SORCS3: variants seen among roughly 807,000 people sequenced by gnomAD.
SORCS3 encodes the protein VPS10 domain-containing receptor SorCS3.
A neutral mutation model predicts 146.3 loss-of-function variants in SORCS3; 57 were observed. The ratio of observed to expected loss-of-function variants is 0.39; its 90% CI spans 0.31 to 0.49. The LOEUF (loss-of-function observed/expected upper bound fraction) is 0.49, where lower values mean the gene tolerates loss of function less well. SORCS3 is among the 20% of genes least tolerant of loss of function. The pLI, the probability that SORCS3 is intolerant of heterozygous loss-of-function variation, is 0.92. For missense variants in SORCS3, 1,341 were observed against 1,575.5 expected (o/e 0.85, Z 2.52); for synonymous variants, 653 against 618.5 (o/e 1.06, Z -0.83).
intron 7 of SORCS3, among the ~76,000 whole-genome samples, chr10:105,113,534 A>G (rs892502990): frequency 1.3e-5 from 2 of 152,132 alleles, no homozygotes; most frequent in Non-Finnish European, 2.9e-5. Context: ...TTCTCTTGAC[A>G]TATTATTTTT....
intron 2 of SORCS3, among the ~76,000 whole-genome samples, chr10:104,907,446 A>G (rs1457828156): frequency 1.3e-5 from 2 of 152,238 alleles, no homozygotes; most frequent in African/African-American, 2.4e-5. Flanking sequence ...AGAAAGGAAA[A>G]GAAAGAAACT....
At chr10:104,964,496 CA>C (rs1488917562) in intron 3 of SORCS3, among the ~76,000 whole-genome samples, 1 of 152,184 alleles carries the variant, frequency 6.6e-6, no homozygotes, top group Non-Finnish European at 1.5e-5. Context: ...CTTCCTTCAA[CA>C]GAATGTAAGC....
At chr10:104,692,064 T>G (rs2016120077) in intron 1 of SORCS3, among the ~76,000 whole-genome samples, 1 of 152,162 alleles carries the variant, frequency 6.6e-6, no homozygotes, top group Non-Finnish European at 1.5e-5. Context: ...GATTTGGGGT[T>G]AGGTAACTGT....
intron 4 of SORCS3, among the ~76,000 whole-genome samples, chr10:104,994,390 A>G (rs1480946833): frequency 1.3e-5 from 2 of 152,216 alleles, no homozygotes; most frequent in African/African-American, 2.4e-5. Context: ...ATTATTTAAC[A>G]TAAAACTAGG....
At chr10:105,237,449 A>G (rs142442922) in intron 20 of SORCS3, among the ~76,000 whole-genome samples, 20 of 152,314 alleles carry the variant, frequency 1.3e-4, no homozygotes, top group African/African-American at 4.1e-4. Context: ...CATTAATAGC[A>G]TTTGTATTTA....
At chr10:104,659,992 G>A (rs1050905072) in intron 1 of SORCS3, among the ~76,000 whole-genome samples, 2 of 152,178 alleles carry the variant, frequency 1.3e-5, no homozygotes, top group Non-Finnish European at 2.9e-5. Context: ...GCACAGTGGG[G>A]GACACTCCTG....
chr10:105,263,396 A>G lies in SORCS3; in HGVS notation c.*22A>G, dbSNP rs759805371. 40 of 1,611,696 alleles carry G rather than the reference A, an allele frequency of 2.5e-5. No homozygotes were observed. Among genetic ancestry groups the G allele is most frequent in the African/African-American group, 4.0e-5 (3 of 74,846 alleles). The stretch of plus-strand genomic sequence containing the variant: ...TTAATACCAGCAAGCCACGTGGTCA[A>G]CCACCTTTCTGACTTTTTATTTTTG... On this transcript the variant is annotated 3_prime_UTR_variant, in exon 27 of 27. Coordinates refer to ENST00000369701, the MANE Select transcript of SORCS3 (RefSeq NM_014978.3).
At chr10:104,785,642 G>A (rs1293590330) in intron 1 of SORCS3, among the ~76,000 whole-genome samples, 3 of 152,128 alleles carry the variant, frequency 2.0e-5, no homozygotes, top group Non-Finnish European at 4.4e-5. Flanking sequence ...CTGGGATAGG[G>A]ATTCTTTAAG....
At chr10:104,926,573 G>A (rs2019149552) in intron 3 of SORCS3, among the ~76,000 whole-genome samples, 1 of 152,192 alleles carries the variant, frequency 6.6e-6, no homozygotes, top group Non-Finnish European at 1.5e-5. Context: ...TCCCATTAGG[G>A]CTAAGAAAGC....
At chr10:104,831,512 G>A (rs1398196598) in intron 1 of SORCS3, among the ~76,000 whole-genome samples, 3 of 152,168 alleles carry the variant, frequency 2.0e-5, no homozygotes, top group Non-Finnish European at 4.4e-5. Flanking sequence ...CTAAATGCCA[G>A]GGTGATCAGT....
chr10:104,973,941 A>C (rs886522291), intron 3 of SORCS3, among the ~76,000 whole-genome samples: 2 of 151,814 alleles, frequency 1.3e-5, no homozygotes, highest in African/African-American at 4.8e-5. Flanking sequence ...TTCTGCCTTC[A>C]TTTCATTACG....
chr10:105,193,478 A>T (rs1267742341), intron 14 of SORCS3, among the ~76,000 whole-genome samples: 1 of 152,180 alleles, frequency 6.6e-6, no homozygotes, highest in Admixed American at 6.6e-5. Context: ...GTAATAGATA[A>T]ATCCTTTGTG....
At chr10:105,246,265 A>G (rs1446380849) in intron 21 of SORCS3, among the ~76,000 whole-genome samples, 1 of 152,184 alleles carries the variant, frequency 6.6e-6, no homozygotes, top group Non-Finnish European at 1.5e-5. Flanking sequence ...GCCATTTCAC[A>G]CAACCTCTCC....
chr10:105,028,626 A>T (rs2055245427), intron 4 of SORCS3, among the ~76,000 whole-genome samples: 1 of 152,152 alleles, frequency 6.6e-6, no homozygotes, highest in African/African-American at 2.4e-5. Flanking sequence ...GTGTATTTGG[A>T]ATTAATCCTC....
chr10:104,877,159 C>T (rs1461288531), intron 2 of SORCS3, among the ~76,000 whole-genome samples: 2 of 152,126 alleles, frequency 1.3e-5, no homozygotes, highest in East Asian at 3.9e-4. Flanking sequence ...CCAGGTCTTC[C>T]TCTTTTAATC....
chr10:105,012,918 T>C (rs1045767413), intron 4 of SORCS3, among the ~76,000 whole-genome samples: 3 of 152,076 alleles, frequency 2.0e-5, no homozygotes, highest in Admixed American at 6.6e-5. Flanking sequence ...AATAACAAGC[T>C]GTAAAAAAAG....
intron 1 of SORCS3, among the ~76,000 whole-genome samples, chr10:104,667,657 T>G (rs1413659566): frequency 1.3e-5 from 2 of 152,220 alleles, no homozygotes; most frequent in African/African-American, 4.8e-5. Context: ...AAGTAACAAG[T>G]GAGCATTAAA....
intron 7 of SORCS3, among the ~76,000 whole-genome samples, chr10:105,123,410 A>T (rs938978219): frequency 2.0e-5 from 3 of 152,226 alleles, no homozygotes; most frequent in African/African-American, 7.2e-5. Context: ...TATCAAACAA[A>T]AAAGATACTT....
chr10:104,812,110 A>G (rs1189060735), intron 1 of SORCS3, among the ~76,000 whole-genome samples: 2 of 152,248 alleles, frequency 1.3e-5, no homozygotes, highest in Non-Finnish European at 2.9e-5. Flanking sequence ...GATGAAGGGT[A>G]GACAGAGATT....
Sources: gnomAD v4.1 joint callset for allele counts (sites outside exome capture counted in the v4.1 genomes callset) on GRCh38, gnomAD v4.1.1 for gene constraint, MANE v1.5 for transcripts, NCBI Gene and HGNC (gene_info 2026-07-23, HGNC 2026-07-21) for gene names.